FGF9: variants seen among roughly 807,000 people sequenced by gnomAD.
The protein encoded by FGF9 is fibroblast growth factor 9.
In FGF9, 3 loss-of-function variants were observed where a neutral mutation model predicts 19.9. The observed-to-expected ratio is 0.15, with a 90% CI of 0.07 to 0.39. FGF9 has a LOEUF of 0.39. Among genes scored for constraint, FGF9 ranks in the 10% least tolerant of loss-of-function variants. The pLI is 1.00. For synonymous variants in FGF9, 107 were observed against 106.9 expected (o/e 1.00, Z -0.01); for missense variants, 175 against 256.8 (o/e 0.68, Z 2.18).
intron 2 of FGF9, among the ~76,000 whole-genome samples, chr13:21,695,492 T>G (rs887085129): frequency 1.3e-5 from 2 of 152,020 alleles, no homozygotes; most frequent in Non-Finnish European, 2.9e-5. Context: ...GGGTGGGAGC[T>G]TCTCATGAAA....
Position 21,672,274 on chromosome 13 carries a change from C to A in FGF9, c.277+85C>A. Reference sequence around the variant, plus strand: ...AAGAAGGTGGTGGCCGGGTGGGGGACGTGGGAAGGGTTCTCCCCTCCTCCC... The same window carrying A: ...AAGAAGGTGGTGGCCGGGTGGGGGAAGTGGGAAGGGTTCTCCCCTCCTCCC... On this transcript the variant is annotated intron_variant, in intron 1 of 2. Coordinates refer to ENST00000382353, the MANE Select transcript of FGF9 (RefSeq NM_002010.3). The surrounding 1 kb of genome is among the most constrained non-coding windows in gnomAD (Gnocchi z 4.2). 4.1e-6 allele frequency: 6 copies of A among 1,468,782 alleles called. No homozygotes were observed. In the South Asian group the frequency reaches 5.7e-5, roughly 14 times the overall value. 91.0% of individuals were successfully genotyped at this position (1,468,782 alleles called of 1,614,324 possible). A position where few individuals can be genotyped will look rare whatever the true frequency, so the allele number is the denominator to read the frequency against.
chr13:21,673,110 A>G (rs753314021), intron 1 of FGF9, among the ~76,000 whole-genome samples: 4 of 152,142 alleles, frequency 2.6e-5, no homozygotes, highest in Non-Finnish European at 5.9e-5. Context: ...GAAGTCAACT[A>G]ACACAGTCCC....
chr13:21,679,805 T>G (rs1677828475), intron 1 of FGF9, among the ~76,000 whole-genome samples: 1 of 149,172 alleles, frequency 6.7e-6, no homozygotes, highest in African/African-American at 2.5e-5. Flanking sequence ...AAAAAAAAAT[T>G]TAGCCCAGCG....
In FGF9 at chr13:21,691,731, C is replaced by T. The variant is rs1463567932; in HGVS notation, c.382-9459C>T. ...TGGTCGCCTCACCCCTCCCGACTCC[C>T]CCTCACCAGGGACTGACTTGAACTT... On this transcript the variant is annotated intron_variant, in intron 2 of 2. Coordinates refer to ENST00000382353, the MANE Select transcript of FGF9 (RefSeq NM_002010.3). The surrounding 1 kb of genome is among the most constrained non-coding windows in gnomAD (Gnocchi z 4.2). Among the ~76,000 whole-genome samples, 1 of 152,222 alleles carries T rather than the reference C, an allele frequency of 6.6e-6. No individual in the cohort carries two copies. Among genetic ancestry groups the T allele is most frequent in the East Asian group, 1.9e-4 (1 of 5,188 alleles).
At chr13:21,681,898 A>G (rs1445351838) in intron 2 of FGF9, among the ~76,000 whole-genome samples, 2 of 152,246 alleles carry the variant, frequency 1.3e-5, no homozygotes, top group African/African-American at 4.8e-5. Flanking sequence ...GGGACTTAAT[A>G]CATTTTTGCT....
intron 2 of FGF9, among the ~76,000 whole-genome samples, chr13:21,694,649 C>A (rs1245884454): frequency 6.6e-6 from 1 of 151,998 alleles, no homozygotes; most frequent in Non-Finnish European, 1.5e-5. Context: ...ACTACTCTTA[C>A]CAGACACTAG....
chr13:21,695,083 CGTGT>C (rs59076902), intron 2 of FGF9, among the ~76,000 whole-genome samples: 1,919 of 137,178 alleles, frequency 0.014, 23 homozygotes, highest in African/African-American at 0.026. Flanking sequence ...TGTGTGTGTG[CGTGT>C]GTGTGTGTGT....
intron 2 of FGF9, among the ~76,000 whole-genome samples, chr13:21,699,631 G>T (rs1872492819): frequency 6.6e-6 from 1 of 152,110 alleles, no homozygotes; most frequent in Non-Finnish European, 1.5e-5. Context: ...GGGGATGATG[G>T]ATTCTACCCA....
rs10624265 is a variant in FGF9, at chr13:21,671,788, CT to C, written c.-117del. On this transcript the variant is annotated 5_prime_UTR_variant, in exon 1 of 3. Coordinates refer to ENST00000382353, the MANE Select transcript of FGF9 (RefSeq NM_002010.3). ...CATTTAATGGATTGAAGAAAAGAAC[CT>C]TTTTTTTCTCTCTCTCTCTGCAACT... is the stretch of plus-strand genomic sequence containing the variant. 28 of 1,062,340 alleles carry C rather than the reference CT, an allele frequency of 2.6e-5. No homozygotes were observed. The highest frequency in any genetic ancestry group is 6.1e-5 in the Admixed American group (3 of 49,148). The allele number at this position is 1,062,340 out of a possible 1,614,324, so 65.8% of individuals were successfully genotyped here. A position where few individuals can be genotyped will look rare whatever the true frequency, so the allele number is the denominator to read the frequency against.
chr13:21,699,492 G>A (rs536768181), intron 2 of FGF9, among the ~76,000 whole-genome samples: 10 of 152,292 alleles, frequency 6.6e-5, no homozygotes, highest in Admixed American at 3.9e-4. Flanking sequence ...CCTCTTGAGT[G>A]TGGTTTAAGC....
At chr13:21,686,494 G>A (rs1305630091) in intron 2 of FGF9, among the ~76,000 whole-genome samples, 1 of 152,240 alleles carries the variant, frequency 6.6e-6, no homozygotes, top group Non-Finnish European at 1.5e-5. Context: ...TTGTAAGGAT[G>A]TTGGAACATA....
At chr13:21,698,896 A>C (rs1227472719) in intron 2 of FGF9, among the ~76,000 whole-genome samples, 1 of 152,232 alleles carries the variant, frequency 6.6e-6, no homozygotes, top group Non-Finnish European at 1.5e-5. Flanking sequence ...TTAATGATAA[A>C]AAAATGCACA....
chr13:21,701,208 T>A lies in FGF9; in HGVS notation c.400T>A (p.Cys134Ser), dbSNP rs200015821. The change falls in exon 3 of 3, where the codon TGT (cysteine) becomes AGT (serine). Residue 134 changes from cysteine (C) to serine (S), a missense_variant. This residue lies in a region of FGF9 where 101 missense variants were observed against 160.7 expected (regional missense o/e 0.63). Transcript: ENST00000382353. ...TTTACAGGAAAAACTAACCCAAGAGTGTGTATTCAGAGAACAGTTCGAAGA... is the reference window on the plus strand; with the variant it reads ...TTTACAGGAAAAACTAACCCAAGAGAGTGTATTCAGAGAACAGTTCGAAGA... Reference protein sequence around the residue: ...LYGSEKLTQECVFREQFEENW... With the variant: ...LYGSEKLTQESVFREQFEENW... 2.5e-6 allele frequency: 4 copies of A among 1,613,280 alleles called. No individual in the cohort carries two copies. The highest frequency in any genetic ancestry group is 3.4e-6 in the Non-Finnish European group (4 of 1,179,684).
chr13:21,704,236 C>T lies in FGF9; in HGVS notation c.*2801C>T, dbSNP rs904724842. On this transcript the variant is annotated 3_prime_UTR_variant, in exon 3 of 3. Coordinates refer to ENST00000382353, the MANE Select transcript of FGF9 (RefSeq NM_002010.3). Reference sequence around the variant, plus strand: ...ACTTGCACTGTGGTCAAAGACTTACCGAGCATGGGCTGAACAACCTTCCCA... The same window carrying T: ...ACTTGCACTGTGGTCAAAGACTTACTGAGCATGGGCTGAACAACCTTCCCA... The T allele has an allele frequency of 6.6e-6, 1 of 152,256 alleles. No homozygotes were observed. 9.4% of individuals were successfully genotyped at this position (152,256 alleles called of 1,614,324 possible). A position where few individuals can be genotyped will look rare whatever the true frequency, so the allele number is the denominator to read the frequency against.
At chr13:21,681,832 G>A (rs1303063144) in intron 2 of FGF9, among the ~76,000 whole-genome samples, 1 of 152,076 alleles carries the variant, frequency 6.6e-6, no homozygotes, top group Admixed American at 6.6e-5. Context: ...TTCCATCATG[G>A]TATCACTTTA....
At chr13:21,686,467 T>C (rs1872160798) in intron 2 of FGF9, among the ~76,000 whole-genome samples, 1 of 152,258 alleles carries the variant, frequency 6.6e-6, no homozygotes. Flanking sequence ...AAAACGTAGC[T>C]GGTACAGGTA....
At position 21,671,853 on chromosome 13, in the gene FGF9, T is replaced by C; in HGVS notation, c.-60T>C. On this transcript the variant is annotated 5_prime_UTR_variant, in exon 1 of 3. Transcript: ENST00000382353. ...GGAGTTGGATATACCTCGCCTAATA[T>C]CTCCTGGGTTGACACCATCATTATT... 6.2e-7 allele frequency: 1 copy of C among 1,602,808 alleles called. No homozygotes were observed. The highest frequency in any genetic ancestry group is 1.7e-5 in the Admixed American group (1 of 60,004).
At position 21,675,169 on chromosome 13, in the gene FGF9, G is replaced by C. The variant is rs1593090143; in HGVS notation, c.277+2980G>C. 2.6e-5 allele frequency among the ~76,000 whole-genome samples: 4 copies of C among 152,128 alleles called. No homozygotes were observed. In the South Asian group the frequency reaches 8.3e-4, roughly 32 times the overall value. On this transcript the variant is annotated intron_variant, in intron 1 of 2. Transcript: ENST00000382353. ...TCGGCCGAGGGGGAAGGGCGCTCTGGCGCTCCGCTGTGCCACTCACTCTGG... is the reference window on the plus strand; with the variant it reads ...TCGGCCGAGGGGGAAGGGCGCTCTGCCGCTCCGCTGTGCCACTCACTCTGG...
In FGF9 at chr13:21,691,402, A is replaced by G. The variant is rs1872286666; in HGVS notation, c.382-9788A>G. Among the ~76,000 whole-genome samples, 1 of 152,244 alleles carries G rather than the reference A, an allele frequency of 6.6e-6. No homozygotes were observed. The highest frequency in any genetic ancestry group is 1.5e-5 in the Non-Finnish European group (1 of 68,046). The stretch of plus-strand genomic sequence containing the variant: ...TGGAGAAAAACAGGCAGGTGTTCTC[A>G]GTAGAGAAACCTTTTCAGCCAAGAA... On this transcript the variant is annotated intron_variant, in intron 2 of 2. Coordinates refer to ENST00000382353, the MANE Select transcript of FGF9 (RefSeq NM_002010.3). The surrounding 1 kb of genome is among the most constrained non-coding windows in gnomAD (Gnocchi z 4.2).
Sources: gnomAD v4.1 joint callset for allele counts (sites outside exome capture counted in the v4.1 genomes callset) on GRCh38, gnomAD v4.1.1 for gene constraint, gnomAD v4.1.1 regional missense constraint, Gnocchi (gnomAD v3.1) non-coding constraint, MANE v1.5 for transcripts, NCBI Gene and HGNC (gene_info 2026-07-23, HGNC 2026-07-21) for gene names.